Variants in OSBPL10 observed in about 807,000 individuals in gnomAD.
OSBPL10 encodes the protein oxysterol binding protein like 10.
In OSBPL10, 49 loss-of-function variants were observed where a neutral mutation model predicts 81.7. The ratio of observed to expected loss-of-function variants is 0.60; its 90% CI spans 0.48 to 0.76. The LOEUF (loss-of-function observed/expected upper bound fraction) is 0.76. OSBPL10 is among the 30% of genes least tolerant of loss of function. The pLI is 0.00. For synonymous variants in OSBPL10, 419 were observed against 383.6 expected (o/e 1.09, Z -1.08); for missense variants, 923 against 987.8 (o/e 0.93, Z 0.88).
intron 4 of OSBPL10, among the ~76,000 whole-genome samples, chr3:31,791,884 TTCAA>T (rs1699019322): frequency 6.6e-6 from 1 of 151,662 alleles, no homozygotes; most frequent in South Asian, 2.1e-4. Flanking sequence ...ATTACTCCAA[TTCAA>T]TCAATTTTCT....
chr3:31,711,398 T>C (rs774891311), intron 6 of OSBPL10, among the ~76,000 whole-genome samples: 14 of 152,224 alleles, frequency 9.2e-5, no homozygotes, highest in Admixed American at 2.0e-4. Context: ...GGGAACGCAG[T>C]GGCCATGTGG....
At chr3:31,700,216 A>G (rs1246378270) in intron 7 of OSBPL10, 1 of 152,250 alleles carries the variant, frequency 6.6e-6, no homozygotes, top group East Asian at 1.9e-4. Context: ...GGAGAAATGC[A>G]ATGTCTGCTC....
intron 2 of OSBPL10, among the ~76,000 whole-genome samples, chr3:31,995,032 G>C (rs1341270761): frequency 6.6e-6 from 1 of 152,188 alleles, no homozygotes; most frequent in African/African-American, 2.4e-5. Flanking sequence ...TGAATAGGGA[G>C]TAGGTCACAT....
At chr3:31,662,819 G>T in intron 11 of OSBPL10, 1 of 985,386 alleles carries the variant, frequency 1.0e-6, no homozygotes, top group Non-Finnish European at 1.2e-6. Flanking sequence ...AGACAAACTA[G>T]CTCTCTCAAG....
intron 2 of OSBPL10, chr3:31,989,744 A>G: frequency 1.2e-6 from 2 of 1,614,150 alleles, no homozygotes; most frequent in Non-Finnish European, 1.7e-6. Flanking sequence ...CTAAAACAGG[A>G]AGTACACATA....
intron 7 of OSBPL10, among the ~76,000 whole-genome samples, chr3:31,699,996 G>A (rs1396427740): frequency 2.0e-5 from 3 of 152,204 alleles, no homozygotes; most frequent in Non-Finnish European, 4.4e-5. Flanking sequence ...ACAGTACGGA[G>A]AGAGGAAATT....
At chr3:31,858,036 C>A (rs1302508744) in intron 3 of OSBPL10, among the ~76,000 whole-genome samples, 3 of 151,202 alleles carry the variant, frequency 2.0e-5, no homozygotes, top group Non-Finnish European at 4.4e-5. Context: ...CGTTCTATTG[C>A]CCAGACTGGA....
intron 1 of OSBPL10, among the ~76,000 whole-genome samples, chr3:32,053,519 G>T (rs1412478718): frequency 1.3e-5 from 2 of 152,172 alleles, no homozygotes; most frequent in East Asian, 3.8e-4. Context: ...ATTGTAAAGG[G>T]TTATCAAAGG....
chr3:31,730,263 C>T (rs1046481683), intron 6 of OSBPL10, among the ~76,000 whole-genome samples: 5 of 152,076 alleles, frequency 3.3e-5, no homozygotes, highest in South Asian at 2.1e-4. Context: ...ATCGCTTGAA[C>T]CCGGGAGGCG....
intron 3 of OSBPL10, among the ~76,000 whole-genome samples, chr3:31,847,762 G>C (rs1404578567): frequency 2.0e-5 from 3 of 152,088 alleles, no homozygotes; most frequent in Non-Finnish European, 4.4e-5. Flanking sequence ...TGGAACAGCA[G>C]AAAGAACAGC....
At chr3:31,692,915 G>A (rs1476669711) in intron 7 of OSBPL10, among the ~76,000 whole-genome samples, 4 of 152,238 alleles carry the variant, frequency 2.6e-5, no homozygotes, top group African/African-American at 7.2e-5. Flanking sequence ...TTCTAGAAGT[G>A]TGGATTGATG....
chr3:31,772,831 T>C (rs1175759195), intron 4 of OSBPL10, among the ~76,000 whole-genome samples: 1 of 152,208 alleles, frequency 6.6e-6, no homozygotes, highest in Non-Finnish European at 1.5e-5. Context: ...ACAGAATCTG[T>C]AATGAGGATA....
At chr3:31,860,280 T>C (rs927454546) in intron 3 of OSBPL10, among the ~76,000 whole-genome samples, 1 of 152,140 alleles carries the variant, frequency 6.6e-6, no homozygotes, top group African/African-American at 2.4e-5. Flanking sequence ...ACTCTCTACA[T>C]GAAGAAGCAC....
At chr3:31,899,888 A>G (rs1273499384) in intron 1 of OSBPL10, among the ~76,000 whole-genome samples, 1 of 152,216 alleles carries the variant, frequency 6.6e-6, no homozygotes, top group Non-Finnish European at 1.5e-5. Flanking sequence ...AATATTCTAC[A>G]GAAAATAACT....
intron 1 of OSBPL10, among the ~76,000 whole-genome samples, chr3:31,932,897 T>C (rs1425620126): frequency 6.6e-6 from 1 of 152,142 alleles, no homozygotes; most frequent in Non-Finnish European, 1.5e-5. Flanking sequence ...TTATTTATGG[T>C]GGCAGTTTCA....
At chr3:31,948,119 A>G (rs991317169) in intron 1 of OSBPL10, among the ~76,000 whole-genome samples, 1 of 152,190 alleles carries the variant, frequency 6.6e-6, no homozygotes, top group Non-Finnish European at 1.5e-5. Context: ...AGGTACAGGC[A>G]TGAAGTATTA....
intron 1 of OSBPL10, among the ~76,000 whole-genome samples, chr3:31,926,016 T>C (rs1697062801): frequency 6.6e-6 from 1 of 152,114 alleles, no homozygotes; most frequent in Non-Finnish European, 1.5e-5. Context: ...CTGATATCTT[T>C]ATAGTAAAAG....
chr3:31,851,075 A>G (rs1362523110), intron 3 of OSBPL10, among the ~76,000 whole-genome samples: 2 of 152,206 alleles, frequency 1.3e-5, no homozygotes, highest in Non-Finnish European at 2.9e-5. Flanking sequence ...AAAAAATTTC[A>G]CAAGAGAAAA....
At chr3:31,816,012 C>G (rs1485395332) in intron 4 of OSBPL10, among the ~76,000 whole-genome samples, 1 of 152,148 alleles carries the variant, frequency 6.6e-6, no homozygotes, top group South Asian at 2.1e-4. Context: ...TCAAAGGCAC[C>G]TAAGACATGA....
Sources: allele counts gnomAD v4.1 joint callset (sites outside exome capture counted in the v4.1 genomes callset), GRCh38; gene constraint gnomAD v4.1.1; transcripts MANE v1.5; gene names NCBI Gene and HGNC (gene_info 2026-07-23, HGNC 2026-07-21).